Variants in CDC42 observed in about 807,000 individuals in gnomAD.
CDC42 encodes the protein cell division control protein 42 homolog.
CDC42 carries 1 observed loss-of-function variant against 20.8 expected under a neutral mutation model. The observed-to-expected ratio is 0.05, with a 90% CI of 0.02 to 0.23. The LOEUF (loss-of-function observed/expected upper bound fraction) is 0.23, where lower values mean the gene tolerates loss of function less well. Among genes scored for constraint, CDC42 ranks in the 10% least tolerant of loss-of-function variants. CDC42 has a pLI of 1.00. For synonymous variants in CDC42, 72 were observed against 84.8 expected, an observed-to-expected ratio of 0.85 and a Z score of 0.83; for missense variants, 49 against 227.9, an observed-to-expected ratio of 0.21 and a Z score of 5.05.
At chr1:22,087,897 G>A (rs913331021) in intron 5 of CDC42, among the ~76,000 whole-genome samples, 13 of 152,102 alleles carry the variant, frequency 8.5e-5, no homozygotes, top group African/African-American at 4.8e-5. Context: ...AGGGCCTAGT[G>A]CATAATTTAA....
At position 22,091,781 on chromosome 1, in the gene CDC42, TTG is replaced by T. The variant is rs796220909; in HGVS notation, c.*276_*277del. 142 of 124,558 alleles carry T rather than the reference TTG, an allele frequency of 1.1e-3. 28 individuals are homozygous for T. The highest frequency in any genetic ancestry group is 1.3e-3 in the Non-Finnish European group (88 of 68,546). 7.7% of individuals were successfully genotyped at this position (124,558 alleles called of 1,614,324 possible). On this transcript the variant is annotated 3_prime_UTR_variant, in exon 6 of 6. Transcript: ENST00000656825. ...TTTTGTTGTTTCAAAAAAAAAATTT[TTG>T]TGTGTGTGTGTTTTTTTTTTTTTTT...
chr1:22,055,388 A>G (rs937303741), intron 1 of CDC42, among the ~76,000 whole-genome samples: 5 of 151,994 alleles, frequency 3.3e-5, no homozygotes, highest in Middle Eastern at 3.4e-3. Context: ...AAATGTTTTC[A>G]TGTTACAACC....
At chr1:22,072,166 C>T (rs984144877) in intron 1 of CDC42, among the ~76,000 whole-genome samples, 2 of 135,250 alleles carry the variant, frequency 1.5e-5, no homozygotes, top group Non-Finnish European at 1.5e-5. Flanking sequence ...GGCGTGATCT[C>T]AGCTCACTGC....
intron 2 of CDC42, among the ~76,000 whole-genome samples, chr1:22,080,714 G>T (rs990217524): frequency 5.9e-5 from 9 of 152,068 alleles, no homozygotes; most frequent in African/African-American, 2.2e-4. Context: ...ATTTAGCATT[G>T]TTAAACCTCC....
At chr1:22,089,877 G>T in intron 5 of CDC42, 2 of 1,516,794 alleles carry the variant, frequency 1.3e-6, no homozygotes, top group Non-Finnish European at 9.0e-7. Context: ...GACTGCTGTT[G>T]TACCTGCTAG....
At position 22,097,486 on chromosome 1, in the gene CDC42, C is replaced by T. The variant is rs1465614107; in HGVS notation, c.*5969C>T. Among the ~76,000 whole-genome samples the T allele has an allele frequency of 6.6e-6, 1 of 152,224 alleles. No individual in the cohort carries two copies. The highest frequency in any genetic ancestry group is 1.5e-5 in the Non-Finnish European group (1 of 68,032). ...TGAACTCCTGACCTCAGGTGATCCG[C>T]CCGTTGCGGCCTCCCTAAGTGCTGG... On this transcript the variant is annotated 3_prime_UTR_variant, in exon 6 of 6. Coordinates refer to ENST00000656825, the MANE Select transcript of CDC42 (RefSeq NM_001791.4).
At chr1:22,066,089 G>C (rs898353962) in intron 1 of CDC42, among the ~76,000 whole-genome samples, 1 of 152,152 alleles carries the variant, frequency 6.6e-6, no homozygotes, top group African/African-American at 2.4e-5. Flanking sequence ...CAACAAAGTT[G>C]TAAAAGACAT....
At chr1:22,062,607 G>A (rs1027939751) in intron 1 of CDC42, among the ~76,000 whole-genome samples, 3 of 151,270 alleles carry the variant, frequency 2.0e-5, no homozygotes, top group Non-Finnish European at 4.4e-5. Flanking sequence ...TTTCTGATTG[G>A]GTATGGTGGC....
rs16826598 is a variant in CDC42, at chr1:22,099,440, T to A, written c.*7923T>A. On this transcript the variant is annotated 3_prime_UTR_variant, in exon 6 of 6. Transcript: ENST00000656825. ...AGGACTCTGAGACATCATAATTGCT[T>A]GGTATATGCAGCCAGAGTTGGAAAT... is the stretch of plus-strand genomic sequence containing the variant. 1.8e-3 allele frequency among the ~76,000 whole-genome samples: 278 copies of A among 152,344 alleles called. 2 individuals are homozygous for A. The highest frequency in any genetic ancestry group is 0.013 in the Admixed American group (206 of 15,310).
intron 1 of CDC42, among the ~76,000 whole-genome samples, chr1:22,061,532 C>CTT (rs555957608): frequency 1.9e-4 from 7 of 36,236 alleles, no homozygotes; most frequent in South Asian, 1.1e-3. Context: ...ATGTTTCTTT[C>CTT]TTTTTTTTTT....
intron 2 of CDC42, chr1:22,078,887 T>TAA: frequency 2.8e-5 from 1 of 36,100 alleles, no homozygotes. Context: ...ATGAGGTGAC[T>TAA]TTTTTTTTTT....
At position 22,092,227 on chromosome 1, in the gene CDC42, T is replaced by C. The variant is rs1209517613; in HGVS notation, c.*710T>C. The C allele has an allele frequency of 1.3e-5, 2 of 152,608 alleles. No individual in the cohort carries two copies. Among genetic ancestry groups the C allele is most frequent in the Non-Finnish European group, 2.9e-5 (2 of 68,028 alleles). 9.5% of individuals were successfully genotyped at this position (152,608 alleles called of 1,614,324 possible). A position where few individuals can be genotyped will look rare whatever the true frequency, so the allele number is the denominator to read the frequency against. Reference sequence around the variant, plus strand: ...TCATGAAAGTGGGTGGAGCCCATCTTGCCCCTCCTCTTTTCTAGGACGCAC... The same window carrying C: ...TCATGAAAGTGGGTGGAGCCCATCTCGCCCCTCCTCTTTTCTAGGACGCAC... On this transcript the variant is annotated 3_prime_UTR_variant, in exon 6 of 6. Coordinates refer to ENST00000656825, the MANE Select transcript of CDC42 (RefSeq NM_001791.4).
intron 1 of CDC42, among the ~76,000 whole-genome samples, chr1:22,062,530 G>T (rs1410442304): frequency 6.6e-6 from 1 of 151,936 alleles, no homozygotes; most frequent in Non-Finnish European, 1.5e-5. Flanking sequence ...ACTCTGTGCT[G>T]ATTCTGAAAA....
chr1:22,100,498 C>T lies in CDC42; in HGVS notation c.*8981C>T, dbSNP rs1475087463. On this transcript the variant is annotated 3_prime_UTR_variant, in exon 6 of 6. Coordinates refer to ENST00000656825, the MANE Select transcript of CDC42 (RefSeq NM_001791.4). ...AGTAACTTAAATGCTCTGAGTGTTG[C>T]ATTCTCTGTGAAGTGGAAATAGCTG... The T allele has an allele frequency of 1.3e-5, 2 of 152,172 alleles. No homozygotes were observed. Among genetic ancestry groups the T allele is most frequent in the Non-Finnish European group, 2.9e-5 (2 of 68,038 alleles). 9.4% of individuals were successfully genotyped at this position (152,172 alleles called of 1,614,324 possible).
Position 22,094,586 on chromosome 1 carries a change from C to T in CDC42, c.*3069C>T, listed in dbSNP as rs1323892922. Among the ~76,000 whole-genome samples, 17 of 151,920 alleles carry T rather than the reference C, an allele frequency of 1.1e-4. No homozygotes were observed. Among genetic ancestry groups the T allele is most frequent in the African/African-American group, 3.1e-4 (13 of 41,320 alleles). Reference sequence around the variant, plus strand: ...TGCTGGGATTACAGGCGTGAGCCACCGCGCCCGGCCAGAAATAGATTTTAT... The same window carrying T: ...TGCTGGGATTACAGGCGTGAGCCACTGCGCCCGGCCAGAAATAGATTTTAT... On this transcript the variant is annotated 3_prime_UTR_variant, in exon 6 of 6. Coordinates refer to ENST00000656825, the MANE Select transcript of CDC42 (RefSeq NM_001791.4).
intron 1 of CDC42, among the ~76,000 whole-genome samples, chr1:22,065,609 A>C (rs146583302): frequency 1.3e-5 from 2 of 152,188 alleles, no homozygotes; most frequent in African/African-American, 4.8e-5. Context: ...CTTTATATAC[A>C]TTACCTCATT....
chr1:22,090,755 A>G (rs919932772), intron 5 of CDC42: 2 of 984,952 alleles, frequency 2.0e-6, no homozygotes, highest in Non-Finnish European at 1.2e-6. Flanking sequence ...GAAATATACA[A>G]TTGTGGTTAC....
At chr1:22,057,913 G>A (rs952463725) in intron 1 of CDC42, among the ~76,000 whole-genome samples, 3 of 151,452 alleles carry the variant, frequency 2.0e-5, no homozygotes, top group Non-Finnish European at 4.4e-5. Context: ...TAGTAGAGGT[G>A]GGGGGGTTTC....
intron 1 of CDC42, among the ~76,000 whole-genome samples, chr1:22,054,903 ATATATATATATATATATATTTTTTTTT>A (rs1645279343): frequency 1.0e-4 from 1 of 9,810 alleles, no homozygotes. Context: ...ATATATATAT[ATATATATATATATATATATTTTTTTTT>A]TTTTTTTTTT....
Sources: allele counts gnomAD v4.1 joint callset (sites outside exome capture counted in the v4.1 genomes callset), GRCh38; gene constraint gnomAD v4.1.1; transcripts MANE v1.5; gene names NCBI Gene and HGNC (gene_info 2026-07-23, HGNC 2026-07-21).